NCKAP5: variants seen among roughly 807,000 people sequenced by gnomAD.
The protein encoded by NCKAP5 is nck-associated protein 5.
NCKAP5 carries 92 observed loss-of-function variants against 167.0 expected under a neutral mutation model. That is an observed-to-expected ratio of 0.55 (90% CI 0.47 to 0.66). The LOEUF is 0.66. Among genes scored for constraint, NCKAP5 ranks in the 30% least tolerant of loss-of-function variants. The probability of loss-of-function intolerance (pLI) is 0.00; values close to 1 mark genes in which losing one functional copy is unlikely to be tolerated. For synonymous variants in NCKAP5, 891 were observed against 877.4 expected (o/e 1.02, Z -0.27); for missense variants, 2,378 against 2,315.0 (o/e 1.03, Z -0.56).
chr2:133,343,376 CAAAT>C (rs1648109067), intron 3 of NCKAP5, among the ~76,000 whole-genome samples: 1 of 149,864 alleles, frequency 6.7e-6, no homozygotes, highest in South Asian at 2.1e-4. Flanking sequence ...CAAAAAATGA[CAAAT>C]AGATTACCTA....
At chr2:132,891,448 G>A (rs1179450973) in intron 8 of NCKAP5, among the ~76,000 whole-genome samples, 1 of 152,194 alleles carries the variant, frequency 6.6e-6, no homozygotes, top group Non-Finnish European at 1.5e-5. Flanking sequence ...GAAGCATTCA[G>A]AAGTCTCTTA....
chr2:133,408,462 C>G (rs1688580533), intron 3 of NCKAP5, among the ~76,000 whole-genome samples: 1 of 152,116 alleles, frequency 6.6e-6, no homozygotes. Context: ...AAGACCTACC[C>G]CCTCTACATT....
chr2:133,361,245 T>G (rs982190116), intron 3 of NCKAP5, among the ~76,000 whole-genome samples: 1 of 152,070 alleles, frequency 6.6e-6, no homozygotes, highest in African/African-American at 2.4e-5. Context: ...AGCTAGAGAA[T>G]GTGAGCGCCT....
intron 3 of NCKAP5, among the ~76,000 whole-genome samples, chr2:133,406,243 A>C (rs1559458916): frequency 6.6e-6 from 1 of 152,220 alleles, no homozygotes; most frequent in Non-Finnish European, 1.5e-5. Flanking sequence ...GAATAAAGAC[A>C]CTTTCCTTTC....
At chr2:132,961,473 G>T (rs2076509143) in intron 8 of NCKAP5, among the ~76,000 whole-genome samples, 1 of 151,952 alleles carries the variant, frequency 6.6e-6, no homozygotes, top group African/African-American at 2.4e-5. Flanking sequence ...ATTGAACAAA[G>T]AATTTTAGGA....
At chr2:133,119,024 G>C (rs1034383437) in intron 6 of NCKAP5, 1 of 152,092 alleles carries the variant, frequency 6.6e-6, no homozygotes, top group African/African-American at 2.4e-5. Flanking sequence ...TTTTTGAGAC[G>C]GAGTTTCCCT....
intron 5 of NCKAP5, among the ~76,000 whole-genome samples, chr2:133,153,198 T>C: frequency 6.6e-6 from 1 of 152,214 alleles, no homozygotes; most frequent in East Asian, 1.9e-4. Flanking sequence ...GCTACTATAA[T>C]GCTGTATATA....
chr2:132,776,549 A>T (rs894769917), intron 15 of NCKAP5, among the ~76,000 whole-genome samples: 1 of 152,218 alleles, frequency 6.6e-6, no homozygotes, highest in Non-Finnish European at 1.5e-5. Flanking sequence ...CATGAGGGGC[A>T]GATGACTCAC....
intron 11 of NCKAP5, among the ~76,000 whole-genome samples, chr2:132,809,261 T>C (rs1017536434): frequency 6.6e-6 from 1 of 152,146 alleles, no homozygotes; most frequent in African/African-American, 2.4e-5. Flanking sequence ...GAATGAAATA[T>C]TCTGTATAAA....
intron 8 of NCKAP5, among the ~76,000 whole-genome samples, chr2:132,910,705 T>C (rs1289574750): frequency 6.6e-6 from 1 of 152,238 alleles, no homozygotes; most frequent in Non-Finnish European, 1.5e-5. Flanking sequence ...ATCTTAGCTA[T>C]TGACTACTAT....
chr2:133,084,512 G>T lies in NCKAP5; in HGVS notation c.341+45466C>A, dbSNP rs188914566. On this transcript the variant is annotated intron_variant, in intron 6 of 19. Transcript: ENST00000409261. The stretch of plus-strand genomic sequence containing the variant: ...AAACATGGATGACACATATATGGTG[G>T]GCTTGATTTCATGAATAAATGGGAT... 1.7e-3 allele frequency among the ~76,000 whole-genome samples: 259 copies of T among 152,124 alleles called. 2 individuals are homozygous for T. In the Middle Eastern group the frequency reaches 0.02, roughly 12 times the overall value.
At chr2:133,638,822 C>A in the NCKAP5 span, among the ~76,000 whole-genome samples, 1 of 146,080 alleles carries the variant, frequency 6.8e-6, no homozygotes, top group Admixed American at 7.0e-5. Flanking sequence ...TTCACCACTG[C>A]GCTCCAGCCT....
In NCKAP5 at chr2:132,673,198, T is replaced by C; in HGVS notation, c.*91A>G. ...CCTTGTTCAGAGAGTTCTTCTCTTT[T>C]TCTAATAAAATCACAGTATTGCTGT... On this transcript the variant is annotated 3_prime_UTR_variant, in exon 20 of 20. Coordinates refer to ENST00000409261, the MANE Select transcript of NCKAP5 (RefSeq NM_207363.3). The C allele has an allele frequency of 7.0e-7, 1 of 1,425,522 alleles. No individual in the cohort carries two copies. The highest frequency in any genetic ancestry group is 9.2e-7 in the Non-Finnish European group (1 of 1,092,338). 88.3% of individuals were successfully genotyped at this position (1,425,522 alleles called of 1,614,324 possible). A position where few individuals can be genotyped will look rare whatever the true frequency, so the allele number is the denominator to read the frequency against.
intron 3 of NCKAP5, among the ~76,000 whole-genome samples, chr2:133,509,653 T>C (rs968639907): frequency 8.5e-5 from 13 of 152,248 alleles, no homozygotes; most frequent in African/African-American, 3.1e-4. Context: ...GGGGTGATTT[T>C]TCTTCTCAGG....
intron 2 of NCKAP5, among the ~76,000 whole-genome samples, chr2:133,558,703 G>GAAAAAAAAAA (rs1687926915): frequency 1.9e-4 from 1 of 5,210 alleles, no homozygotes; most frequent in Admixed American, 2.5e-3. Context: ...AATGTGCTGA[G>GAAAAAAAAAA]CAAAAAAAAA....
intron 15 of NCKAP5, 112 bp downstream of exon 15, chr2:132,780,940 T>C (rs1682976008): frequency 9.2e-7 from 1 of 1,088,248 alleles, no homozygotes; most frequent in Non-Finnish European, 1.3e-6. Flanking sequence ...GACCTTTTCT[T>C]TCCCCCAGTT....
chr2:133,004,605 C>T (rs1033060679), intron 6 of NCKAP5, among the ~76,000 whole-genome samples: 11 of 152,090 alleles, frequency 7.2e-5, no homozygotes, highest in Admixed American at 3.3e-4. Context: ...ACAAGGCAAA[C>T]GGCAGAGCAA....
chr2:133,421,331 CAT>C (rs1000623239), intron 3 of NCKAP5, among the ~76,000 whole-genome samples: 6 of 151,796 alleles, frequency 4.0e-5, no homozygotes, highest in South Asian at 2.1e-4. Context: ...TTTTGTTACA[CAT>C]GTCTCTAATC....
At chr2:133,324,783 G>A (rs888126817) in intron 3 of NCKAP5, among the ~76,000 whole-genome samples, 1 of 151,724 alleles carries the variant, frequency 6.6e-6, no homozygotes, top group East Asian at 1.9e-4. Context: ...GCAGTGGCAC[G>A]ATCTCGGCTC....
Sources: gnomAD v4.1 joint callset for allele counts (sites outside exome capture counted in the v4.1 genomes callset) on GRCh38, gnomAD v4.1.1 for gene constraint, MANE v1.5 for transcripts, NCBI Gene and HGNC (gene_info 2026-07-23, HGNC 2026-07-21) for gene names.